XDH: variants seen among roughly 807,000 people sequenced by gnomAD.
XDH encodes xanthine dehydrogenase.
Under a neutral mutation model 156.1 loss-of-function variants are expected in XDH, and 138 were observed. The ratio of observed to expected loss-of-function variants is 0.88; its 90% CI spans 0.77 to 1.02. The LOEUF (loss-of-function observed/expected upper bound fraction) is 1.02. XDH is among the 50% of genes least tolerant of loss of function. XDH has a pLI of 0.00. For synonymous variants in XDH, 669 were observed against 625.7 expected (o/e 1.07, Z -1.03); for missense variants, 1,849 against 1,684.9 (o/e 1.10, Z -1.71).
intron 9 of XDH, among the ~76,000 whole-genome samples, chr2:31,385,393 C>T (rs932290404): frequency 6.6e-6 from 1 of 152,114 alleles, no homozygotes; most frequent in Non-Finnish European, 1.5e-5. Context: ...TATGTGCGCA[C>T]GAGGGAGGCG....
At chr2:31,387,753 G>C in intron 8 of XDH, 58 bp downstream of exon 8, 1 of 1,468,938 alleles carries the variant, frequency 6.8e-7, no homozygotes, top group Non-Finnish European at 9.3e-7. Flanking sequence ...AAATAAAGCA[G>C]GTTTCCAGGG....
Position 31,383,937 on chromosome 2 carries a change from T to C in XDH, c.794-90A>G, listed in dbSNP as rs554325919. The C allele has an allele frequency of 7.3e-6, 8 of 1,095,140 alleles. No homozygotes were observed. The South Asian group carries it at 1.1e-4, about 15-fold the overall frequency. The allele number at this position is 1,095,140 out of a possible 1,614,324, so 67.8% of individuals were successfully genotyped here. A position where few individuals can be genotyped will look rare whatever the true frequency, so the allele number is the denominator to read the frequency against. On this transcript the variant is annotated intron_variant, in intron 9 of 35. Coordinates refer to ENST00000379416, the MANE Select transcript of XDH (RefSeq NM_000379.4). ...GCTTTTCTCACCATTACACACAGGA[T>C]ATATGACATATCCACAATCATAATA...
In XDH at chr2:31,334,550, C is replaced by T. The variant is rs1026392652; in HGVS notation, c.*1408G>A. The T allele has an allele frequency of 2.0e-5, 3 of 152,104 alleles. No homozygotes were observed. The highest frequency in any genetic ancestry group is 4.4e-5 in the Non-Finnish European group (3 of 68,036). 9.4% of individuals were successfully genotyped at this position (152,104 alleles called of 1,614,324 possible). A position where few individuals can be genotyped will look rare whatever the true frequency, so the allele number is the denominator to read the frequency against. On this transcript the variant is annotated 3_prime_UTR_variant, in exon 36 of 36. Transcript: ENST00000379416. ...TTCTTCCCTTGTTCTCTTTACCAAC[C>T]GCAGAAACTTGAGGTGATCTCAGCA...
chr2:31,386,278 G>A, intron 9 of XDH, 136 bp downstream of exon 9: 1 of 1,198,878 alleles, frequency 8.3e-7, no homozygotes, highest in Admixed American at 2.1e-5. Context: ...ATTTCCAGTG[G>A]GCTCCAGGTA....
intron 4 of XDH, among the ~76,000 whole-genome samples, chr2:31,399,684 TC>T (rs2148004958): frequency 6.6e-6 from 1 of 152,256 alleles, no homozygotes; most frequent in East Asian, 1.9e-4. Context: ...TGGGGGTGGT[TC>T]CCCCATCCTG....
intron 25 of XDH, 23 bp downstream of exon 25, chr2:31,350,009 G>A: frequency 6.2e-7 from 1 of 1,613,302 alleles, no homozygotes; most frequent in Non-Finnish European, 8.5e-7. Flanking sequence ...ACTCTGACTT[G>A]TGCTACCAAA....
At chr2:31,386,705 A>T (rs1686606813) in intron 8 of XDH, 150 bp from the exon 9 acceptor site, 2 of 1,064,624 alleles carry the variant, frequency 1.9e-6, no homozygotes, top group Admixed American at 4.0e-5. Flanking sequence ...ATATGTTCAG[A>T]GGCAGGAACT....
rs72552334 is a variant in XDH at position 31,368,191 on chromosome 2, A to G, written c.2101-134T>C. On this transcript the variant is annotated intron_variant, in intron 19 of 35. Transcript: ENST00000379416. ...AAATGAATCTCTATATGCTTCACAT[A>G]CAGACTTGAAGTAAGCTCTACTATA... 5.2e-4 allele frequency: 439 copies of G among 847,846 alleles called. 8 individuals carry two copies. In the East Asian group the frequency reaches 0.011, roughly 21 times the overall value. 52.5% of individuals were successfully genotyped at this position (847,846 alleles called of 1,614,324 possible).
intron 6 of XDH, among the ~76,000 whole-genome samples, chr2:31,397,399 G>A (rs577675289): frequency 6.6e-6 from 1 of 152,312 alleles, no homozygotes; most frequent in Non-Finnish European, 1.5e-5. Context: ...AAGCTCAAAG[G>A]CACTCTCAGG....
intron 11 of XDH, 60 bp from the exon 12 acceptor site, chr2:31,381,786 C>T (rs1041970878): frequency 8.7e-6 from 13 of 1,501,360 alleles, no homozygotes; most frequent in Non-Finnish European, 1.1e-5. Context: ...GCTCACGTAG[C>T]AGGCTCCTGA....
intron 31 of XDH, among the ~76,000 whole-genome samples, chr2:31,343,105 G>GA (rs1225154569): frequency 7.2e-4 from 109 of 151,800 alleles, no homozygotes; most frequent in African/African-American, 2.3e-3. Flanking sequence ...GCTTCTCCCA[G>GA]AAAAAACCAC....
At chr2:31,374,816 G>T (rs567082385) in intron 15 of XDH, among the ~76,000 whole-genome samples, 1 of 151,974 alleles carries the variant, frequency 6.6e-6, no homozygotes, top group East Asian at 1.9e-4. Flanking sequence ...CCTGGCATAG[G>T]ATAGGTGCAA....
In XDH at chr2:31,394,860, C is replaced by T. The variant is rs189886265; in HGVS notation, c.495+2808G>A. ...AAGGTAGTCTTCAATTTGTTATAAG[C>T]GTTTTCAATCTCTAGCATTTCTTTT... On this transcript the variant is annotated intron_variant, in intron 6 of 35. Transcript: ENST00000379416. 2.0e-5 allele frequency among the ~76,000 whole-genome samples: 3 copies of T among 152,268 alleles called. No individual in the cohort carries two copies. In the East Asian group the frequency reaches 5.8e-4, roughly 29 times the overall value.
In XDH at chr2:31,334,867, T is replaced by C. The variant is rs572713919; in HGVS notation, c.*1091A>G. 1.3e-5 allele frequency: 2 copies of C among 152,076 alleles called. No homozygotes were observed. The highest frequency in any genetic ancestry group is 4.2e-4 in the South Asian group (2 of 4,810). 9.4% of individuals were successfully genotyped at this position (152,076 alleles called of 1,614,324 possible). On this transcript the variant is annotated 3_prime_UTR_variant, in exon 36 of 36. Transcript: ENST00000379416. ...GGGCTTGATTTTGATAGCAGCATTT[T>C]TATTTCTTTTTTTTTCTTCAGAGAC...
chr2:31,390,218 G>A (rs550967892), intron 6 of XDH, among the ~76,000 whole-genome samples: 7 of 152,068 alleles, frequency 4.6e-5, no homozygotes, highest in African/African-American at 1.7e-4. Flanking sequence ...TCTTTTTACT[G>A]CCTCCATGGT....
At chr2:31,344,520 A>G (rs916899766) in intron 31 of XDH, among the ~76,000 whole-genome samples, 164 bp downstream of exon 31, 1 of 152,200 alleles carries the variant, frequency 6.6e-6, no homozygotes, top group Non-Finnish European at 1.5e-5. Flanking sequence ...GCCATTCCAC[A>G]TATTTTAGAG....
intron 6 of XDH, among the ~76,000 whole-genome samples, chr2:31,388,763 G>A (rs1686682009): frequency 6.6e-6 from 1 of 152,188 alleles, no homozygotes; most frequent in African/African-American, 2.4e-5. Context: ...GGATGTCCAA[G>A]ACGGGTGCTG....
Position 31,377,069 on chromosome 2 carries a change from G to T in XDH, c.1411C>A (p.Gln471Lys). 6.2e-7 allele frequency: 1 copy of T among 1,614,150 alleles called. No individual in the cohort carries two copies. Among genetic ancestry groups the T allele is most frequent in the Non-Finnish European group, 8.5e-7 (1 of 1,180,020 alleles). The change falls in exon 14 of 36, where the codon CAG becomes AAG. Residue 471 changes from glutamine (Q) to lysine (K), a missense_variant. Physicochemically the swap from Gln to Lys is moderately conservative, Grantham distance 53. Transcript: ENST00000379416. ...NRTISALKTTQRQLSKLWKEE... is the reference protein window; with the variant it reads ...NRTISALKTTKRQLSKLWKEE... ...AGCTCTTACTTGGAAAGCTGCCTCT[G>T]AGTGGTCTTGAGGGCTGAGATGGTT...
chr2:31,403,217 A>G (rs1687108762), intron 2 of XDH, 73 bp from the exon 3 acceptor site: 2 of 1,537,728 alleles, frequency 1.3e-6, no homozygotes, highest in Non-Finnish European at 1.8e-6. Context: ...ATGCCTGGGC[A>G]GAGCTGTGGG....
Sources: allele counts gnomAD v4.1 joint callset (sites outside exome capture counted in the v4.1 genomes callset), GRCh38; gene constraint gnomAD v4.1.1; transcripts MANE v1.5; gene names NCBI Gene and HGNC (gene_info 2026-07-23, HGNC 2026-07-21).